Variants in ADCY2 observed in about 807,000 individuals in gnomAD.
ADCY2 encodes the protein adenylate cyclase 2.
Under a neutral mutation model 125.2 loss-of-function variants are expected in ADCY2, and 31 were observed. That is an observed-to-expected ratio of 0.25 (90% CI 0.19 to 0.33). The LOEUF (loss-of-function observed/expected upper bound fraction) is 0.33. ADCY2 is among the 10% of genes least tolerant of loss of function. The probability of loss-of-function intolerance (pLI) is 1.00; values close to 1 mark genes in which losing one functional copy is unlikely to be tolerated. For synonymous variants in ADCY2, 512 were observed against 548.4 expected (o/e 0.93, Z 0.93); for missense variants, 904 against 1,418.2 (o/e 0.64, Z 5.82).
Position 7,491,085 on chromosome 5 carries a change from C to A in ADCY2, c.409-29653C>A, listed in dbSNP as rs1743145898. ...ATGTTACATGGCCATCCAAGAGGTA[C>A]AAAATTAAATAAGGGGAATGCCTTA... On this transcript the variant is annotated intron_variant, in intron 2 of 24. Transcript: ENST00000338316. Among the ~76,000 whole-genome samples, 3 of 152,044 alleles carry A rather than the reference C, an allele frequency of 2.0e-5. No individual in the cohort carries two copies. In the South Asian group the frequency reaches 6.2e-4, roughly 32 times the overall value.
chr5:7,451,522 C>G (rs1278928351), intron 2 of ADCY2, among the ~76,000 whole-genome samples: 2 of 152,152 alleles, frequency 1.3e-5, no homozygotes, highest in African/African-American at 4.8e-5. Flanking sequence ...AGACTCCACT[C>G]TTGATGAAGA....
chr5:7,702,296 G>A (rs920231718), intron 7 of ADCY2, among the ~76,000 whole-genome samples: 1 of 144,144 alleles, frequency 6.9e-6, no homozygotes, highest in Non-Finnish European at 1.5e-5. Flanking sequence ...TGTTATATAT[G>A]TATACATGTG....
At chr5:7,535,321 TA>T (rs1488620637) in intron 3 of ADCY2, among the ~76,000 whole-genome samples, 1 of 152,194 alleles carries the variant, frequency 6.6e-6, no homozygotes, top group Non-Finnish European at 1.5e-5. Context: ...CAAAGCTTTA[TA>T]ACAGTTTTAT....
At position 7,501,649 on chromosome 5, in the gene ADCY2, C is replaced by G. The variant is rs564259832; in HGVS notation, c.409-19089C>G. 1.9e-4 allele frequency among the ~76,000 whole-genome samples: 14 copies of G among 74,746 alleles called. 2 individuals carry two copies. The South Asian group carries it at 2.4e-3, about 13-fold the overall frequency. 49.0% of individuals were successfully genotyped at this position (74,746 alleles called of 152,430 possible). A position where few individuals can be genotyped will look rare whatever the true frequency, so the allele number is the denominator to read the frequency against. On this transcript the variant is annotated intron_variant, in intron 2 of 24. Coordinates refer to ENST00000338316, the MANE Select transcript of ADCY2 (RefSeq NM_020546.3). ...AAAAAAGAATGAGATTCCCCCCTCC[C>G]CCCCCCCCCGCCAGTAACTTCAAGT...
At chr5:7,521,039 A>G in intron 3 of ADCY2, 140 bp downstream of exon 3, 2 of 997,834 alleles carry the variant, frequency 2.0e-6, no homozygotes, top group South Asian at 1.6e-5. Flanking sequence ...CTGACCCCCT[A>G]TAACACTGAG....
intron 4 of ADCY2, among the ~76,000 whole-genome samples, chr5:7,676,165 G>T (rs1740120733): frequency 6.6e-6 from 1 of 152,318 alleles, no homozygotes; most frequent in Admixed American, 6.5e-5. Flanking sequence ...TGCATAAAAA[G>T]CCTGAGATTC....
At chr5:7,406,539 T>A (rs1242943012) in intron 1 of ADCY2, among the ~76,000 whole-genome samples, 1 of 152,230 alleles carries the variant, frequency 6.6e-6, no homozygotes, top group Middle Eastern at 3.2e-3. Context: ...TGCTTCTTCA[T>A]TACAACCAGA....
chr5:7,704,744 G>T (rs1281470064), intron 7 of ADCY2, among the ~76,000 whole-genome samples: 2 of 152,094 alleles, frequency 1.3e-5, no homozygotes, highest in Non-Finnish European at 1.5e-5. Context: ...TGGGCGGTTT[G>T]GCGTGCGCCT....
Position 7,497,791 on chromosome 5 carries a change from T to G in ADCY2, c.409-22947T>G, listed in dbSNP as rs575115923. 3.9e-5 allele frequency among the ~76,000 whole-genome samples: 6 copies of G among 152,152 alleles called. No homozygotes were observed. The South Asian group carries it at 8.3e-4, about 21-fold the overall frequency. On this transcript the variant is annotated intron_variant, in intron 2 of 24. Coordinates refer to ENST00000338316, the MANE Select transcript of ADCY2 (RefSeq NM_020546.3). The stretch of plus-strand genomic sequence containing the variant: ...GTTCTTAGTGAAATAATGTATTTAA[T>G]TTGGCACAAGTTTCTTATATTTATT...
At chr5:7,730,987 C>A (rs1004966380) in intron 14 of ADCY2, among the ~76,000 whole-genome samples, 1 of 152,040 alleles carries the variant, frequency 6.6e-6, no homozygotes, top group African/African-American at 2.4e-5. Flanking sequence ...TCGATTGTCT[C>A]GATTGTCTAT....
chr5:7,774,394 C>T (rs1267090787), intron 18 of ADCY2, among the ~76,000 whole-genome samples: 1 of 152,236 alleles, frequency 6.6e-6, no homozygotes. Flanking sequence ...TTTACTATTG[C>T]TCTACTATAT....
At chr5:7,718,012 C>T (rs1200595800) in intron 12 of ADCY2, among the ~76,000 whole-genome samples, 1 of 152,004 alleles carries the variant, frequency 6.6e-6, no homozygotes, top group African/African-American at 2.4e-5. Flanking sequence ...CTTATGGAGA[C>T]CTATTTAATT....
intron 3 of ADCY2, among the ~76,000 whole-genome samples, chr5:7,614,991 G>A (rs1246122257): frequency 6.6e-6 from 1 of 152,190 alleles, no homozygotes; most frequent in Non-Finnish European, 1.5e-5. Flanking sequence ...AGGAAGCATG[G>A]CCGAGGAGGC....
chr5:7,730,948 T>A (rs1560916920), intron 14 of ADCY2, among the ~76,000 whole-genome samples: 1 of 152,130 alleles, frequency 6.6e-6, no homozygotes, highest in Non-Finnish European at 1.5e-5. Flanking sequence ...TCTGGAAAAT[T>A]CTCTGCCTCT....
rs70940750 is a variant in ADCY2 at position 7,665,828 on chromosome 5, C to CTTTTTTTT, written c.721-24842_721-24835dup. Reference sequence around the variant, plus strand: ...TGTTTTGTTTTTTTTTAATTTAATTCTTTTTTTTTTTTTTTTTTTTTTTTT... The same window carrying CTTTTTTTT: ...TGTTTTGTTTTTTTTTAATTTAATTCTTTTTTTTTTTTTTTTTTTTTTTTTTTTTTTTT... On this transcript the variant is annotated intron_variant, in intron 4 of 24. Coordinates refer to ENST00000338316, the MANE Select transcript of ADCY2 (RefSeq NM_020546.3). Among the ~76,000 whole-genome samples, 20 of 38,632 alleles carry CTTTTTTTT rather than the reference C, an allele frequency of 5.2e-4. 7 individuals carry two copies. The highest frequency in any genetic ancestry group is 8.6e-4 in the Admixed American group (2 of 2,330). The allele number at this position is 38,632 out of a possible 152,430, so 25.3% of individuals were successfully genotyped here. A position where few individuals can be genotyped will look rare whatever the true frequency, so the allele number is the denominator to read the frequency against.
chr5:7,729,492 G>C (rs1163134848), intron 14 of ADCY2, among the ~76,000 whole-genome samples: 3 of 151,304 alleles, frequency 2.0e-5, no homozygotes, highest in African/African-American at 7.3e-5. Context: ...TAATTGATGT[G>C]CGTGGACCCA....
At chr5:7,791,125 C>T (rs1284863827) in intron 20 of ADCY2, among the ~76,000 whole-genome samples, 2 of 152,166 alleles carry the variant, frequency 1.3e-5, no homozygotes, top group Non-Finnish European at 2.9e-5. Context: ...GGGAGGCCAC[C>T]TGGGGTGCTC....
intron 7 of ADCY2, among the ~76,000 whole-genome samples, chr5:7,698,806 G>T (rs1203189763): frequency 6.6e-6 from 1 of 152,178 alleles, no homozygotes; most frequent in East Asian, 1.9e-4. Flanking sequence ...TTTTGGGTTG[G>T]TTCCAAGACT....
At chr5:7,509,871 G>C (rs972536016) in intron 2 of ADCY2, among the ~76,000 whole-genome samples, 1 of 152,186 alleles carries the variant, frequency 6.6e-6, no homozygotes, top group Non-Finnish European at 1.5e-5. Context: ...GTAGTGTAAA[G>C]TGAATTTCCA....
Sources: allele counts gnomAD v4.1 joint callset (sites outside exome capture counted in the v4.1 genomes callset), GRCh38; gene constraint gnomAD v4.1.1; transcripts MANE v1.5; gene names NCBI Gene and HGNC (gene_info 2026-07-23, HGNC 2026-07-21).